Variants in KMT2C observed in about 807,000 individuals in gnomAD.
KMT2C encodes the protein histone-lysine N-methyltransferase 2C.
KMT2C carries 88 observed loss-of-function variants against 507.9 expected under a neutral mutation model. The ratio of observed to expected loss-of-function variants is 0.17; its 90% CI spans 0.15 to 0.21. The LOEUF (loss-of-function observed/expected upper bound fraction) is 0.21. Ranked by LOEUF, KMT2C falls within the 10% of genes least tolerant of loss-of-function variation. KMT2C has a pLI of 1.00. For synonymous variants in KMT2C, 2,049 were observed against 2,080.8 expected (o/e 0.98, Z 0.42); for missense variants, 4,954 against 5,957.8 (o/e 0.83, Z 5.55).
chr7:152,260,748 A>AT (rs2095756054), intron 9 of KMT2C, among the ~76,000 whole-genome samples: 4 of 152,262 alleles, frequency 2.6e-5, no homozygotes, highest in Admixed American at 6.5e-5. Context: ...ATTTATAATT[A>AT]TTTTTAAAGG....
intron 23 of KMT2C, among the ~76,000 whole-genome samples, chr7:152,208,819 C>T (rs2094376852): frequency 6.6e-6 from 1 of 152,072 alleles, no homozygotes; most frequent in South Asian, 2.1e-4. Context: ...TATTTGAGGC[C>T]AATTCCATAA....
rs761116229 is a variant in KMT2C at position 152,179,827 on chromosome 7, G to A, written c.7442+7C>T. On this transcript the variant is annotated splice_region_variant and intron_variant, in intron 37 of 58. Coordinates refer to ENST00000262189, the MANE Select transcript of KMT2C (RefSeq NM_170606.3). Reference sequence around the variant, plus strand: ...ATTTAAATTCGGCAGGAAATTAAAAGCATTACCTAAATCCATGAGGTCTCA... The same window carrying A: ...ATTTAAATTCGGCAGGAAATTAAAAACATTACCTAAATCCATGAGGTCTCA... The A allele has an allele frequency of 8.7e-6, 14 of 1,610,922 alleles. No individual in the cohort carries two copies. The South Asian group carries it at 1.4e-4, about 16-fold the overall frequency.
intron 51 of KMT2C, among the ~76,000 whole-genome samples, chr7:152,150,626 A>C (rs1049496638): frequency 1.1e-4 from 16 of 152,314 alleles, no homozygotes; most frequent in Admixed American, 1.0e-3. Context: ...AAAAAAAATT[A>C]AACTGGTAAA....
chr7:152,282,852 A>T (rs2096243486), intron 6 of KMT2C, among the ~76,000 whole-genome samples: 18 of 151,862 alleles, frequency 1.2e-4, no homozygotes, highest in Non-Finnish European at 4.4e-5. Flanking sequence ...ATAATTCTTC[A>T]ACATATTTTT....
At position 152,194,259 on chromosome 7, in the gene KMT2C, C is replaced by T. The variant is rs2129129089; in HGVS notation, c.4510G>A (p.Ala1504Thr). ...ATTTTATATAATTTTCCAAGAATTG[C>T]TCCTAGAATAAATTAAAAAAAAAAA... ...PELDKMVTDG[A>T]ILGKLYKIPE... is the part of the protein sequence containing the mutation. The change falls in exon 30 of 59, where the codon GCA (alanine) becomes ACA (threonine). Residue 1504 changes from alanine to threonine, a missense_variant and splice_region_variant. Transcript: ENST00000262189. 1.4e-6 allele frequency: 2 copies of T among 1,480,530 alleles called. No homozygotes were observed. Among genetic ancestry groups the T allele is most frequent in the East Asian group, 2.3e-5 (1 of 43,494 alleles). 91.7% of individuals were successfully genotyped at this position (1,480,530 alleles called of 1,614,324 possible).
Position 152,150,923 on chromosome 7 carries a change from G to A in KMT2C, c.12751C>T (p.Gln4251Ter). Residue 4251 changes from glutamine (Q) to a stop codon, truncating the protein, a stop_gained, in exon 51 of 59, where the codon CAA becomes TAA. Transcript: ENST00000262189. LOFTEE classifies it high-confidence loss of function. The part of the protein sequence containing the change: ...NCFILYSSTA[Q>*]AKNSENKESI... The stretch of plus-strand genomic sequence containing the variant: ...ACCTTGTTTTCTGAGTTTTTCGCTT[G>A]TGCAGTTGATGAATAAAGAATAAAG... 1 of 1,611,300 alleles carries A rather than the reference G, an allele frequency of 6.2e-7. No individual in the cohort carries two copies. The highest frequency in any genetic ancestry group is 1.7e-5 in the Admixed American group (1 of 59,944).
intron 1 of KMT2C, chr7:152,368,119 G>C (rs1223332152): frequency 9.6e-6 from 9 of 939,644 alleles, no homozygotes. Flanking sequence ...TATCATTGAA[G>C]TTAATGGCAA....
intron 1 of KMT2C, among the ~76,000 whole-genome samples, chr7:152,424,855 C>A (rs565520677): frequency 2.0e-5 from 3 of 152,188 alleles, no homozygotes; most frequent in Non-Finnish European, 4.4e-5. Context: ...CTCTTCCTCT[C>A]CACATCATCT....
intron 46 of KMT2C, 76 bp from the exon 47 acceptor site, chr7:152,154,521 TCTGTGA>T: frequency 8.1e-7 from 1 of 1,240,766 alleles, no homozygotes; most frequent in Non-Finnish European, 1.2e-6. Context: ...CCTGCTGACA[TCTGTGA>T]ATACAGCTGT....
chr7:152,199,503 A>G (rs2129133268), intron 26 of KMT2C, 44 bp from the exon 27 acceptor site: 1 of 1,231,892 alleles, frequency 8.1e-7, no homozygotes, highest in Non-Finnish European at 1.1e-6. Context: ...GAAAATTCTA[A>G]AAAGACAATA....
intron 1 of KMT2C, among the ~76,000 whole-genome samples, chr7:152,399,113 A>G (rs965786144): frequency 6.6e-6 from 1 of 151,912 alleles, no homozygotes; most frequent in Non-Finnish European, 1.5e-5. Flanking sequence ...TCAGGCGCTC[A>G]CCACCGCACC....
At chr7:152,346,224 G>C (rs998041418) in intron 2 of KMT2C, among the ~76,000 whole-genome samples, 2 of 152,212 alleles carry the variant, frequency 1.3e-5, no homozygotes, top group African/African-American at 4.8e-5. Context: ...ATCTGACACC[G>C]TTAATCAACT....
At chr7:152,422,316 G>A (rs981083838) in intron 1 of KMT2C, among the ~76,000 whole-genome samples, 15 of 151,264 alleles carry the variant, frequency 9.9e-5, no homozygotes, top group Non-Finnish European at 1.5e-4. Context: ...TTAGCCAGGC[G>A]TGGTGGCAGA....
rs540198361 is a variant in KMT2C, at chr7:152,231,880, G to T, written c.2770-1559C>A. On this transcript the variant is annotated intron_variant, in intron 16 of 58. Transcript: ENST00000262189. ...AAATACATTTAAAAGCAGTTTTTTTGTTTGTTTGTTTGTTTTTGAGACAGA... is the reference window on the plus strand; with the variant it reads ...AAATACATTTAAAAGCAGTTTTTTTTTTTGTTTGTTTGTTTTTGAGACAGA... Among the ~76,000 whole-genome samples, 366 of 151,086 alleles carry T rather than the reference G, an allele frequency of 2.4e-3. 1 individual carries two copies. Among genetic ancestry groups the T allele is most frequent in the African/African-American group, 8.3e-3 (344 of 41,266 alleles).
chr7:152,345,580 A>C (rs1323674734), intron 2 of KMT2C, among the ~76,000 whole-genome samples: 4 of 152,320 alleles, frequency 2.6e-5, no homozygotes, highest in African/African-American at 9.6e-5. Flanking sequence ...GCTGGAGTGC[A>C]ATGGCACGAT....
chr7:152,176,961 G>C lies in KMT2C; in HGVS notation c.8492C>G (p.Ser2831Cys). 6.2e-7 allele frequency: 1 copy of C among 1,614,100 alleles called. No individual in the cohort carries two copies. Among genetic ancestry groups the C allele is most frequent in the Non-Finnish European group, 8.5e-7 (1 of 1,180,002 alleles). Residue 2831 changes from serine (S) to cysteine (C), a missense_variant, in exon 38 of 59, where the codon TCT becomes TGT. This residue lies in a region of KMT2C where 1,689 missense variants were observed against 1,654.3 expected (regional missense o/e 1.02). Transcript: ENST00000262189. ...EVKTEVLSPNSKVESKCETEK... is the reference protein window; with the variant it reads ...EVKTEVLSPNCKVESKCETEK... ...AGTTTCACATTTGGATTCCACCTTA[G>C]AATTTGGAGACAGTACTTCCGTTTT...
intron 6 of KMT2C, among the ~76,000 whole-genome samples, chr7:152,304,138 C>A (rs183835090): frequency 3.3e-5 from 5 of 152,258 alleles, no homozygotes; most frequent in Admixed American, 2.0e-4. Context: ...TATAGTATCT[C>A]ATTCCCTTCC....
intron 6 of KMT2C, among the ~76,000 whole-genome samples, chr7:152,290,277 T>C (rs2096396378): frequency 8.9e-5 from 3 of 33,874 alleles, no homozygotes; most frequent in South Asian, 1.9e-3. Flanking sequence ...TATATATATA[T>C]ATATATATAT....
chr7:152,278,840 T>C (rs1396177063), intron 6 of KMT2C, among the ~76,000 whole-genome samples: 1 of 152,310 alleles, frequency 6.6e-6, no homozygotes, highest in African/African-American at 2.4e-5. Context: ...ATGTCACATA[T>C]AAAAAGTAAA....
Sources: gnomAD v4.1 joint callset for allele counts (sites outside exome capture counted in the v4.1 genomes callset) on GRCh38, gnomAD v4.1.1 for gene constraint, gnomAD v4.1.1 regional missense constraint, MANE v1.5 for transcripts, NCBI Gene and HGNC (gene_info 2026-07-23, HGNC 2026-07-21) for gene names.